Variants in RUNX1T1 observed in about 807,000 individuals in gnomAD.
RUNX1T1 encodes the protein RUNX1 partner transcriptional co-repressor 1, also known as protein CBFA2T1.
RUNX1T1 carries 4 observed loss-of-function variants against 62.8 expected under a neutral mutation model. The ratio of observed to expected loss-of-function variants is 0.06; its 90% CI spans 0.03 to 0.15. RUNX1T1 has a LOEUF of 0.15. Ranked by LOEUF, RUNX1T1 falls within the 10% of genes least tolerant of loss-of-function variation. The pLI, the probability that RUNX1T1 is intolerant of heterozygous loss-of-function variation, is 1.00. For missense variants in RUNX1T1, 508 were observed against 754.3 expected (o/e 0.67, Z 3.82); for synonymous variants, 291 against 286.0 (o/e 1.02, Z -0.18).
chr8:92,064,490 G>A (rs537303489), upstream of RUNX1T1, among the ~76,000 whole-genome samples: 6 of 152,254 alleles, frequency 3.9e-5, no homozygotes, highest in East Asian at 1.2e-3. Context: ...AAGCTTTATA[G>A]CAGGCATGAG....
intron 6 of RUNX1T1, among the ~76,000 whole-genome samples, chr8:91,989,128 A>T (rs1817155237): frequency 6.6e-6 from 1 of 152,284 alleles, no homozygotes; most frequent in Admixed American, 6.5e-5. Flanking sequence ...GAATATTTTA[A>T]CTAACTAGGA....
chr8:92,009,746 CA>C (rs1821573910), intron 4 of RUNX1T1: 1 of 151,976 alleles, frequency 6.6e-6, no homozygotes, highest in South Asian at 2.1e-4. Context: ...GTTCAACAAA[CA>C]ATTTGCTTTT....
intron 1 of RUNX1T1, among the ~76,000 whole-genome samples, chr8:92,096,488 A>G (rs770001791): frequency 1.3e-5 from 2 of 152,166 alleles, no homozygotes; most frequent in African/African-American, 4.8e-5. Context: ...GTCCCTTTTC[A>G]CTTTTAAATA....
upstream of RUNX1T1, among the ~76,000 whole-genome samples, chr8:92,100,968 G>A (rs1415983501): frequency 6.6e-6 from 1 of 152,188 alleles, no homozygotes; most frequent in Admixed American, 6.5e-5. Flanking sequence ...GGCAAACGCT[G>A]CCATAAACTA....
intron 8 of RUNX1T1, among the ~76,000 whole-genome samples, chr8:91,984,849 G>A (rs948064214): frequency 6.6e-6 from 1 of 152,036 alleles, no homozygotes; most frequent in African/African-American, 2.4e-5. Context: ...GCCTTAATGT[G>A]ACCTGACAAA....
intron 1 of RUNX1T1, among the ~76,000 whole-genome samples, chr8:92,046,360 A>G (rs1474810538): frequency 2.0e-5 from 3 of 152,120 alleles, no homozygotes; most frequent in Non-Finnish European, 4.4e-5. Flanking sequence ...TGATTAATAC[A>G]AAGATTAAAA....
At chr8:91,959,656 T>A (rs757871809) in exon 11 of RUNX1T1, 24 of 227,956 alleles carry the variant, frequency 1.1e-4, no homozygotes, top group Non-Finnish European at 1.9e-4. Context: ...AACATCTGTG[T>A]CTCCTTCCAA....
upstream of RUNX1T1, chr8:92,062,979 T>C (rs2130621871): frequency 5.1e-6 from 6 of 1,177,894 alleles, no homozygotes; most frequent in African/African-American, 1.5e-5. Context: ...ACCCCCATCC[T>C]GTTCAAGGTT....
chr8:92,013,758 T>C (rs1309519622), intron 3 of RUNX1T1, among the ~76,000 whole-genome samples: 1 of 152,202 alleles, frequency 6.6e-6, no homozygotes, highest in African/African-American at 2.4e-5. Flanking sequence ...CGTAGTGTAA[T>C]ATGCAAAAAC....
downstream of RUNX1T1, chr8:91,958,728 CAAAA>C (rs34044770): frequency 0.038 from 4,957 of 130,144 alleles, 254 homozygotes; most frequent in African/African-American, 0.14. Flanking sequence ...AGAATTTGCT[CAAAA>C]AAAAAAAAAA....
chr8:91,962,517 C>G (rs16914672), intron 10 of RUNX1T1, among the ~76,000 whole-genome samples: 3,115 of 152,338 alleles, frequency 0.02, 88 homozygotes, highest in African/African-American at 0.07. Flanking sequence ...GCTCTGATCG[C>G]AAGTCTCATT....
intron 1 of RUNX1T1, among the ~76,000 whole-genome samples, chr8:92,089,579 A>G (rs2130887498): frequency 6.6e-6 from 1 of 152,186 alleles, no homozygotes; most frequent in Admixed American, 6.5e-5. Flanking sequence ...CTCAGCCCCT[A>G]GCCCCTCACT....
intron 1 of RUNX1T1, among the ~76,000 whole-genome samples, chr8:92,029,848 A>G (rs1200733277): frequency 6.6e-6 from 1 of 152,178 alleles, no homozygotes; most frequent in Non-Finnish European, 1.5e-5. Context: ...ATATTTACTG[A>G]GCTATATAAA....
chr8:92,057,952 C>CA (rs1831302040), intron 1 of RUNX1T1, among the ~76,000 whole-genome samples: 1 of 151,910 alleles, frequency 6.6e-6, no homozygotes, highest in African/African-American at 2.4e-5. Flanking sequence ...AAGAACAAAC[C>CA]AAAAAATGCT....
intron 1 of RUNX1T1, among the ~76,000 whole-genome samples, chr8:92,041,122 G>A (rs1828360037): frequency 1.3e-5 from 2 of 152,134 alleles, no homozygotes; most frequent in Non-Finnish European, 2.9e-5. Flanking sequence ...ATAAGACAAT[G>A]CAATAGATCT....
chr8:92,083,679 A>T (rs1835642846), intron 1 of RUNX1T1, among the ~76,000 whole-genome samples: 2 of 152,206 alleles, frequency 1.3e-5, no homozygotes, highest in Non-Finnish European at 2.9e-5. Context: ...ACCATTGTGA[A>T]AGACAATGTG....
At chr8:92,021,188 G>A (rs915823560) in intron 1 of RUNX1T1, among the ~76,000 whole-genome samples, 1 of 152,174 alleles carries the variant, frequency 6.6e-6, no homozygotes, top group Non-Finnish European at 1.5e-5. Context: ...GTACTAGAGA[G>A]GATAAGCCAA....
At chr8:92,059,821 TTCTCTCTTTTGGAAAC>T (rs1188090891) in intron 1 of RUNX1T1, among the ~76,000 whole-genome samples, 1 of 152,174 alleles carries the variant, frequency 6.6e-6, no homozygotes, top group East Asian at 1.9e-4. Flanking sequence ...AACCTTTTTT[TTCTCTCTTTTGGAAAC>T]TTGAACTTAA....
chr8:92,064,647 T>C (rs1832595672), upstream of RUNX1T1, among the ~76,000 whole-genome samples: 2 of 152,192 alleles, frequency 1.3e-5, no homozygotes, highest in Admixed American at 1.3e-4. Flanking sequence ...ATACTTATGT[T>C]AGAAAGAAAA....
Sources: gnomAD v4.1 joint callset for allele counts (sites outside exome capture counted in the v4.1 genomes callset) on GRCh38, gnomAD v4.1.1 for gene constraint, MANE v1.5 for transcripts, NCBI Gene and HGNC (gene_info 2026-07-23, HGNC 2026-07-21) for gene names.